Variants in FSTL5 observed in about 807,000 individuals in gnomAD.
FSTL5 encodes the protein follistatin-related protein 5.
In FSTL5, 62 loss-of-function variants were observed where a neutral mutation model predicts 89.1. The observed-to-expected ratio is 0.70, with a 90% CI of 0.57 to 0.86. FSTL5 has a LOEUF of 0.86. FSTL5 is among the 40% of genes least tolerant of loss of function. The pLI is 0.00. For missense variants in FSTL5, 1,057 were observed against 1,001.6 expected, an observed-to-expected ratio of 1.06 and a Z score of -0.75; for synonymous variants, 383 against 346.2, an observed-to-expected ratio of 1.11 and a Z score of -1.18.
At chr4:161,487,387 G>A (rs1487472690) in intron 12 of FSTL5, among the ~76,000 whole-genome samples, 1 of 152,036 alleles carries the variant, frequency 6.6e-6, no homozygotes, top group Non-Finnish European at 1.5e-5. Flanking sequence ...GCTGCCAGTT[G>A]GCATACAATT....
At chr4:161,566,133 TATAC>T (rs1488902584) in intron 8 of FSTL5, among the ~76,000 whole-genome samples, 162 of 75,004 alleles carry the variant, frequency 2.2e-3, no homozygotes, top group African/African-American at 6.5e-3. Flanking sequence ...TATATATATA[TATAC>T]ACACACACAC....
intron 7 of FSTL5, among the ~76,000 whole-genome samples, chr4:161,640,710 C>T (rs919661913): frequency 3.0e-5 from 4 of 134,822 alleles, no homozygotes; most frequent in Non-Finnish European, 4.4e-5. Context: ...ATTGTGGGAT[C>T]TCCAGAAGGA....
At chr4:161,479,310 T>A (rs983625552) in intron 13 of FSTL5, among the ~76,000 whole-genome samples, 5 of 152,060 alleles carry the variant, frequency 3.3e-5, no homozygotes, top group African/African-American at 1.2e-4. Flanking sequence ...ATTATTAATA[T>A]TTTCTATTAA....
intron 6 of FSTL5, among the ~76,000 whole-genome samples, chr4:161,733,915 T>C (rs1739700786): frequency 6.6e-6 from 1 of 152,040 alleles, no homozygotes; most frequent in African/African-American, 2.4e-5. Context: ...AGGATTGTGA[T>C]TTCCAGTTTG....
intron 4 of FSTL5, among the ~76,000 whole-genome samples, chr4:161,819,803 C>T (rs1232359879): frequency 2.0e-5 from 3 of 151,956 alleles, no homozygotes. Flanking sequence ...ATATGATTAA[C>T]TCATCTTTAG....
chr4:161,709,632 T>A (rs972976764), intron 6 of FSTL5, among the ~76,000 whole-genome samples: 1 of 151,938 alleles, frequency 6.6e-6, no homozygotes, highest in Non-Finnish European at 1.5e-5. Context: ...GACACATCTC[T>A]ACAAAAACAA....
intron 4 of FSTL5, among the ~76,000 whole-genome samples, chr4:161,897,888 C>G (rs202118300): frequency 6.6e-6 from 1 of 151,532 alleles, no homozygotes; most frequent in East Asian, 1.9e-4. Flanking sequence ...ATTCATTCAT[C>G]CCCTTACCTA....
At chr4:161,451,437 A>C (rs574845936) in intron 15 of FSTL5, among the ~76,000 whole-genome samples, 1 of 152,326 alleles carries the variant, frequency 6.6e-6, no homozygotes, top group East Asian at 1.9e-4. Flanking sequence ...AATGAGAGGA[A>C]GCCAGGCAGG....
intron 12 of FSTL5, among the ~76,000 whole-genome samples, chr4:161,481,469 A>G (rs1163778843): frequency 6.6e-6 from 1 of 152,064 alleles, no homozygotes; most frequent in Non-Finnish European, 1.5e-5. Context: ...AGAAAGTCCA[A>G]CATCTTTCCT....
At position 161,542,678 on chromosome 4, in the gene FSTL5, C is replaced by A; in HGVS notation, c.1031G>T (p.Arg344Leu). 3 of 1,474,868 alleles carry A rather than the reference C, an allele frequency of 2.0e-6. No individual in the cohort carries two copies. The highest frequency in any genetic ancestry group is 1.5e-5 in the South Asian group (1 of 65,362). The allele number at this position is 1,474,868 out of a possible 1,614,324, so 91.4% of individuals were successfully genotyped here. ...IFQVNVPPVI[R>L]VYPESQAREP... ...TCTAGCCTGACTCTCTGGATACACC[C>A]GGATGACTGGAGGAACTAAAGGAAA... Residue 344 changes from arginine to leucine, a missense_variant, in exon 9 of 16, where the codon CGG becomes CTG. Around this residue, in one of 3 missense-constraint regions of FSTL5, gnomAD observed 980 missense variants for 903.2 expected, o/e 1.08. Coordinates refer to ENST00000306100, the MANE Select transcript of FSTL5 (RefSeq NM_020116.5).
chr4:161,958,342 C>T (rs529250794), intron 3 of FSTL5, among the ~76,000 whole-genome samples: 6 of 151,896 alleles, frequency 4.0e-5, no homozygotes, highest in Non-Finnish European at 7.4e-5. Flanking sequence ...TATTTCTTTG[C>T]GTTGTGTGGT....
intron 3 of FSTL5, among the ~76,000 whole-genome samples, chr4:161,960,203 G>A (rs1362749252): frequency 2.9e-5 from 3 of 104,940 alleles, no homozygotes; most frequent in South Asian, 2.9e-4. Flanking sequence ...TTTCGCTCTT[G>A]TTGCCCAGGC....
At chr4:161,559,069 TA>T (rs1732495343) in intron 8 of FSTL5, among the ~76,000 whole-genome samples, 1 of 151,906 alleles carries the variant, frequency 6.6e-6, no homozygotes, top group South Asian at 2.1e-4. Flanking sequence ...ATGTTGCAAC[TA>T]ATCTAATTAA....
chr4:162,008,440 T>C (rs936897148), intron 3 of FSTL5, among the ~76,000 whole-genome samples: 9 of 151,878 alleles, frequency 5.9e-5, no homozygotes, highest in African/African-American at 2.2e-4. Context: ...TAAGAAATAC[T>C]GCTATTTAAT....
chr4:161,761,682 C>G (rs915902989), intron 5 of FSTL5, among the ~76,000 whole-genome samples: 1 of 152,120 alleles, frequency 6.6e-6, no homozygotes, highest in Admixed American at 6.5e-5. Flanking sequence ...TTGATCTTGG[C>G]CTTCACTTGG....
chr4:161,499,626 T>A (rs1373299845), intron 12 of FSTL5, among the ~76,000 whole-genome samples: 2 of 152,200 alleles, frequency 1.3e-5, no homozygotes, highest in Non-Finnish European at 2.9e-5. Context: ...ATAAAGCATC[T>A]AATATACACC....
rs1376197699 is a variant in FSTL5, at chr4:161,465,653, T to C, written c.1609-6334A>G. Among the ~76,000 whole-genome samples the C allele has an allele frequency of 1.3e-5, 2 of 152,156 alleles. 1 individual carries two copies. On this transcript the variant is annotated intron_variant, in intron 13 of 15. Coordinates refer to ENST00000306100, the MANE Select transcript of FSTL5 (RefSeq NM_020116.5). The stretch of plus-strand genomic sequence containing the variant: ...TTTTCAAACTGTCTTGAGAAGCCTA[T>C]GGAAATGAGACTTACTTGTAGCTGG...
At chr4:161,863,618 G>C (rs989976603) in intron 4 of FSTL5, among the ~76,000 whole-genome samples, 1 of 152,098 alleles carries the variant, frequency 6.6e-6, no homozygotes, top group Admixed American at 6.5e-5. Context: ...TCCAATTCCT[G>C]GTTTCCACAA....
In FSTL5 at chr4:161,661,821, T is replaced by C. The variant is rs80334628; in HGVS notation, c.728-5327A>G. 9.9e-5 allele frequency among the ~76,000 whole-genome samples: 15 copies of C among 152,228 alleles called. 1 individual carries two copies. In the East Asian group the frequency reaches 2.9e-3, roughly 29 times the overall value. On this transcript the variant is annotated intron_variant, in intron 6 of 15. Transcript: ENST00000306100. The stretch of plus-strand genomic sequence containing the variant: ...TTTTGGTAACAATGGACTGGATAAA[T>C]TGGACTAATACATTCACAGAAGTGA...
Sources: allele counts gnomAD v4.1 joint callset (sites outside exome capture counted in the v4.1 genomes callset), GRCh38; gene constraint gnomAD v4.1.1; regional missense constraint gnomAD v4.1.1; transcripts MANE v1.5; gene names NCBI Gene and HGNC (gene_info 2026-07-23, HGNC 2026-07-21).